Variants in TRERF1 observed in about 807,000 individuals in gnomAD.
The protein encoded by TRERF1 is transcriptional-regulating factor 1.
Under a neutral mutation model 122.9 loss-of-function variants are expected in TRERF1, and 27 were observed. The ratio of observed to expected loss-of-function variants is 0.22; its 90% CI spans 0.16 to 0.30. TRERF1 has a LOEUF of 0.30. Ranked by LOEUF, TRERF1 falls within the 10% of genes least tolerant of loss-of-function variation. The probability of loss-of-function intolerance (pLI) is 1.00; values close to 1 mark genes in which losing one functional copy is unlikely to be tolerated. For synonymous variants in TRERF1, 636 were observed against 641.7 expected (o/e 0.99, Z 0.13); for missense variants, 1,248 against 1,560.3 (o/e 0.80, Z 3.37).
At chr6:42,370,797 T>C (rs576577539) in intron 2 of TRERF1, among the ~76,000 whole-genome samples, 1 of 152,228 alleles carries the variant, frequency 6.6e-6, no homozygotes, top group South Asian at 2.1e-4. Context: ...CACATAGGTA[T>C]AAAGCCCCTT....
At position 42,411,469 on chromosome 6, in the gene TRERF1, A is replaced by C. The variant is rs145031333; in HGVS notation, c.-454+39708T>G. Among the ~76,000 whole-genome samples, 537 of 152,326 alleles carry C rather than the reference A, an allele frequency of 3.5e-3. 5 individuals carry two copies. The highest frequency in any genetic ancestry group is 0.012 in the African/African-American group (496 of 41,574). On this transcript the variant is annotated intron_variant, in intron 2 of 17. Transcript: ENST00000372922. ...TGGATATCAGGCACGTTAGCAGAAC[A>C]GGAACTAACACAGAAGCCTCTTAGA...
chr6:42,415,154 T>G (rs6919656), intron 2 of TRERF1, among the ~76,000 whole-genome samples: 2,603 of 152,314 alleles, frequency 0.017, 74 homozygotes, highest in African/African-American at 0.058. Context: ...ATAAGAGGGT[T>G]GTGGGTCTTT....
chr6:42,297,135 C>CTGAA (rs888530520), intron 4 of TRERF1, among the ~76,000 whole-genome samples: 2 of 152,188 alleles, frequency 1.3e-5, no homozygotes, highest in Non-Finnish European at 2.9e-5. Context: ...CCTCTCTGAG[C>CTGAA]TTCAGGTCAC....
chr6:42,281,260 A>T (rs2150045474), intron 4 of TRERF1, among the ~76,000 whole-genome samples: 1 of 152,270 alleles, frequency 6.6e-6, no homozygotes, highest in South Asian at 2.1e-4. Flanking sequence ...AGAAGACAGA[A>T]ATGCGGCCCC....
intron 3 of TRERF1, among the ~76,000 whole-genome samples, chr6:42,342,319 T>C (rs2150724624): frequency 6.6e-6 from 1 of 152,310 alleles, no homozygotes; most frequent in South Asian, 2.1e-4. Context: ...GGGTGGTTGG[T>C]CACCCTATAC....
At chr6:42,414,699 A>G (rs945605900) in intron 2 of TRERF1, among the ~76,000 whole-genome samples, 3 of 152,224 alleles carry the variant, frequency 2.0e-5, no homozygotes, top group African/African-American at 4.8e-5. Flanking sequence ...ATTCAGCCAC[A>G]TTATGTGCAA....
chr6:42,261,174 GC>G (rs922909019), intron 8 of TRERF1, among the ~76,000 whole-genome samples: 25 of 151,902 alleles, frequency 1.6e-4, no homozygotes, highest in African/African-American at 6.0e-4. Flanking sequence ...GGAGGCCTGT[GC>G]CCCCCCCAAG....
chr6:42,231,776 A>C (rs1366013857), intron 17 of TRERF1, among the ~76,000 whole-genome samples: 2 of 152,248 alleles, frequency 1.3e-5, no homozygotes. Context: ...CAAAAAACAA[A>C]GTAAACCAAA....
chr6:42,258,415 G>T (rs1373326851), intron 9 of TRERF1, among the ~76,000 whole-genome samples: 2 of 152,218 alleles, frequency 1.3e-5, no homozygotes, highest in Non-Finnish European at 2.9e-5. Context: ...GGAGAAGCCA[G>T]CTGTCCCACA....
chr6:42,412,451 A>G (rs1364612119), intron 2 of TRERF1, among the ~76,000 whole-genome samples: 2 of 152,204 alleles, frequency 1.3e-5, no homozygotes, highest in Non-Finnish European at 2.9e-5. Flanking sequence ...GCCAGGCTTT[A>G]GGAGGTTTGC....
At chr6:42,244,612 G>T (rs1774417960) in intron 14 of TRERF1, among the ~76,000 whole-genome samples, 1 of 152,144 alleles carries the variant, frequency 6.6e-6, no homozygotes, top group Non-Finnish European at 1.5e-5. Flanking sequence ...ATATAGCTTG[G>T]AAATTTTTTC....
chr6:42,249,164 T>C (rs1386456895), intron 13 of TRERF1, among the ~76,000 whole-genome samples: 1 of 152,162 alleles, frequency 6.6e-6, no homozygotes. Flanking sequence ...GGCCCTCAGC[T>C]GCATCTCCGA....
intron 3 of TRERF1, among the ~76,000 whole-genome samples, chr6:42,354,169 G>T (rs1770064351): frequency 6.6e-6 from 1 of 152,142 alleles, no homozygotes; most frequent in Non-Finnish European, 1.5e-5. Flanking sequence ...AGTGCTTGGG[G>T]GAAGGGTCCA....
intron 2 of TRERF1, among the ~76,000 whole-genome samples, chr6:42,414,269 G>A (rs1781523752): frequency 6.6e-6 from 1 of 152,112 alleles, no homozygotes; most frequent in Admixed American, 6.6e-5. Flanking sequence ...AAATATACAG[G>A]CAAAACATTC....
chr6:42,364,681 C>T (rs577294001), intron 2 of TRERF1, among the ~76,000 whole-genome samples: 6 of 152,240 alleles, frequency 3.9e-5, no homozygotes, highest in Admixed American at 6.5e-5. Flanking sequence ...GCAGCCCCTG[C>T]AGAAGGCAGG....
intron 4 of TRERF1, among the ~76,000 whole-genome samples, chr6:42,287,004 A>T (rs1212322006): frequency 6.8e-6 from 1 of 146,044 alleles, no homozygotes; most frequent in African/African-American, 2.5e-5. Context: ...GACATGGATG[A>T]AATTGGAAAT....
intron 2 of TRERF1, among the ~76,000 whole-genome samples, chr6:42,412,660 C>T (rs1183384802): frequency 1.3e-5 from 2 of 152,168 alleles, no homozygotes; most frequent in African/African-American, 4.8e-5. Flanking sequence ...CATGACGGCT[C>T]ATGCCTGTAA....
chr6:42,279,621 C>T (rs1240392335), intron 4 of TRERF1, among the ~76,000 whole-genome samples: 1 of 152,196 alleles, frequency 6.6e-6, no homozygotes, highest in Non-Finnish European at 1.5e-5. Flanking sequence ...GGCCAAGCGG[C>T]CAGAACAGCC....
At chr6:42,422,523 A>C (rs1440313751) in intron 2 of TRERF1, among the ~76,000 whole-genome samples, 1 of 126,100 alleles carries the variant, frequency 7.9e-6, no homozygotes, top group Non-Finnish European at 1.8e-5. Context: ...AAAAAAAAAA[A>C]AAATACAAAT....
Sources: allele counts gnomAD v4.1 joint callset (sites outside exome capture counted in the v4.1 genomes callset), GRCh38; gene constraint gnomAD v4.1.1; transcripts MANE v1.5; gene names NCBI Gene and HGNC (gene_info 2026-07-23, HGNC 2026-07-21).